DNM3: variants seen among roughly 807,000 people sequenced by gnomAD.
DNM3 encodes the protein dynamin-3.
Under a neutral mutation model 101.6 loss-of-function variants are expected in DNM3, and 47 were observed. That is an observed-to-expected ratio of 0.46 (90% CI 0.37 to 0.59). DNM3 has a LOEUF of 0.59. DNM3 is among the 20% of genes least tolerant of loss of function. The probability of loss-of-function intolerance (pLI) is 0.00; values close to 1 mark genes in which losing one functional copy is unlikely to be tolerated. For synonymous variants in DNM3, 385 were observed against 387.9 expected (o/e 0.99, Z 0.09); for missense variants, 849 against 1,085.7 (o/e 0.78, Z 3.06).
chr1:172,203,567 T>C (rs1053125668), intron 14 of DNM3, among the ~76,000 whole-genome samples: 1 of 152,182 alleles, frequency 6.6e-6, no homozygotes, highest in East Asian at 1.9e-4. Flanking sequence ...CAACCAGATT[T>C]CCTTGTGAAG....
intron 17 of DNM3, among the ~76,000 whole-genome samples, chr1:172,360,150 A>G (rs1450751956): frequency 1.3e-5 from 2 of 152,044 alleles, no homozygotes; most frequent in Non-Finnish European, 1.5e-5. Context: ...GCCTAATTCA[A>G]TATTACCATA....
chr1:172,009,272 T>G (rs1424240395), intron 4 of DNM3, among the ~76,000 whole-genome samples: 4 of 149,288 alleles, frequency 2.7e-5, no homozygotes, highest in Non-Finnish European at 4.5e-5. Context: ...ATGTACTATC[T>G]TAATTACCAT....
rs189540240 is a variant in DNM3 at position 171,928,299 on chromosome 1, C to T, written c.235+6478C>T. Among the ~76,000 whole-genome samples, 5 of 152,300 alleles carry T rather than the reference C, an allele frequency of 3.3e-5. No individual in the cohort carries two copies. In the East Asian group the frequency reaches 7.7e-4, roughly 24 times the overall value. Reference sequence around the variant, plus strand: ...CTTGAGTGCTGGCTATAGACTGTGGCTTGGCATTCCTGGGCTTCTCACTGC... The same window carrying T: ...CTTGAGTGCTGGCTATAGACTGTGGTTTGGCATTCCTGGGCTTCTCACTGC... On this transcript the variant is annotated intron_variant, in intron 2 of 20. Transcript: ENST00000627582.
Position 172,222,550 on chromosome 1 carries a change from G to T in DNM3, c.1660-31023G>T, listed in dbSNP as rs921275028. Among the ~76,000 whole-genome samples, 19 of 152,144 alleles carry T rather than the reference G, an allele frequency of 1.2e-4. 1 individual carries two copies. Among genetic ancestry groups the T allele is most frequent in the East Asian group, 7.7e-4 (4 of 5,194 alleles). The stretch of plus-strand genomic sequence containing the variant: ...GAGAAAGGTTAGCAAGAGGACAGGG[G>T]TCTACTTAGTAAAGTCATTTCAATG... On this transcript the variant is annotated intron_variant, in intron 14 of 20. Transcript: ENST00000627582.
At chr1:171,998,948 G>C (rs182668157) in intron 4 of DNM3, among the ~76,000 whole-genome samples, 1 of 152,192 alleles carries the variant, frequency 6.6e-6, no homozygotes, top group East Asian at 1.9e-4. Context: ...AAGTGTGGTT[G>C]GTTCTGCAAT....
intron 14 of DNM3, among the ~76,000 whole-genome samples, chr1:172,246,983 A>T (rs2061978365): frequency 6.6e-6 from 1 of 152,194 alleles, no homozygotes; most frequent in Non-Finnish European, 1.5e-5. Context: ...CAACAAGCAA[A>T]TTATAATAAT....
rs1330602879 is a variant in DNM3 at position 171,895,771 on chromosome 1, G to C, written c.162-25977G>C. Among the ~76,000 whole-genome samples, 12 of 151,994 alleles carry C rather than the reference G, an allele frequency of 7.9e-5. 1 individual carries two copies. In the South Asian group the frequency reaches 2.5e-3, roughly 32 times the overall value. On this transcript the variant is annotated intron_variant, in intron 1 of 20. Transcript: ENST00000627582. ...TTCTTCTAGGGTTTTTATGGTTTTA[G>C]GTCTAACATTTAAGTCTTTAATCCA...
intron 17 of DNM3, among the ~76,000 whole-genome samples, chr1:172,342,415 T>C (rs1573536385): frequency 6.6e-6 from 1 of 152,106 alleles, no homozygotes; most frequent in African/African-American, 2.4e-5. Context: ...CACCATAAAA[T>C]ACTCTGCGGC....
intron 2 of DNM3, among the ~76,000 whole-genome samples, chr1:171,969,737 C>T (rs753299527): frequency 4.6e-5 from 7 of 152,104 alleles, no homozygotes; most frequent in Non-Finnish European, 7.4e-5. Flanking sequence ...TTCTTTAGTT[C>T]AGCATGTCAA....
intron 13 of DNM3, among the ~76,000 whole-genome samples, chr1:172,129,794 A>T (rs1282689705): frequency 6.6e-6 from 1 of 152,212 alleles, no homozygotes; most frequent in African/African-American, 2.4e-5. Context: ...GGGTGGGGAC[A>T]TAGCTAAACT....
intron 15 of DNM3, among the ~76,000 whole-genome samples, chr1:172,291,182 T>C (rs1303125127): frequency 6.6e-6 from 1 of 151,686 alleles, no homozygotes; most frequent in Non-Finnish European, 1.5e-5. Context: ...ACTCAAGGAG[T>C]TTTGCTATAA....
chr1:172,146,837 A>G (rs890701489), intron 14 of DNM3, among the ~76,000 whole-genome samples: 5 of 152,106 alleles, frequency 3.3e-5, no homozygotes, highest in African/African-American at 1.2e-4. Context: ...GTCAAGGCAA[A>G]CAAAAGGTGG....
At chr1:171,989,211 G>A in intron 4 of DNM3, 63 bp downstream of exon 4, 4 of 1,427,910 alleles carry the variant, frequency 2.8e-6, no homozygotes, top group Non-Finnish European at 3.8e-6. Context: ...TATCTTTAAA[G>A]GTAACATAAA....
intron 14 of DNM3, among the ~76,000 whole-genome samples, chr1:172,248,241 C>A (rs1183779443): frequency 2.6e-5 from 4 of 152,126 alleles, no homozygotes; most frequent in Non-Finnish European, 5.9e-5. Context: ...TAAAATCAAT[C>A]TTTGAAGCAT....
At chr1:172,048,544 T>C in intron 9 of DNM3, 68 bp from the exon 10 acceptor site, 1 of 1,505,248 alleles carries the variant, frequency 6.6e-7, no homozygotes, top group Non-Finnish European at 8.9e-7. Context: ...TTTAAACATT[T>C]TTCAAAAGAT....
chr1:172,352,628 A>G (rs2067249625), intron 17 of DNM3, among the ~76,000 whole-genome samples: 1 of 152,142 alleles, frequency 6.6e-6, no homozygotes, highest in Non-Finnish European at 1.5e-5. Flanking sequence ...GGCTATCTGG[A>G]GTATACCTGT....
At chr1:172,148,299 T>TG (rs1357951061) in intron 14 of DNM3, among the ~76,000 whole-genome samples, 31 of 121,122 alleles carry the variant, frequency 2.6e-4, no homozygotes, top group African/African-American at 9.4e-4. Flanking sequence ...ATATTTGTAT[T>TG]TTTTTTTTTT....
intron 4 of DNM3, among the ~76,000 whole-genome samples, chr1:171,994,096 G>A (rs894399769): frequency 3.3e-5 from 5 of 151,804 alleles, no homozygotes; most frequent in African/African-American, 1.2e-4. Flanking sequence ...TTCAATTTCT[G>A]GGATTGTTCA....
intron 14 of DNM3, among the ~76,000 whole-genome samples, chr1:172,201,247 C>T (rs564695737): frequency 1.2e-4 from 19 of 152,268 alleles, no homozygotes; most frequent in African/African-American, 4.3e-4. Context: ...TATGTTTCCT[C>T]ACAGTTACAG....
Sources: gnomAD v4.1 joint callset for allele counts (sites outside exome capture counted in the v4.1 genomes callset) on GRCh38, gnomAD v4.1.1 for gene constraint, MANE v1.5 for transcripts, NCBI Gene and HGNC (gene_info 2026-07-23, HGNC 2026-07-21) for gene names.